Variants in MUSK observed in about 807,000 individuals in gnomAD.
MUSK encodes muscle associated receptor tyrosine kinase, also known as muscle, skeletal receptor tyrosine-protein kinase.
A neutral mutation model predicts 88.7 loss-of-function variants in MUSK; 55 were observed. That is an observed-to-expected ratio of 0.62 (90% CI 0.50 to 0.78). MUSK has a LOEUF of 0.78. MUSK is among the 30% of genes least tolerant of loss of function. The pLI, the probability that MUSK is intolerant of heterozygous loss-of-function variation, is 0.00. For missense variants in MUSK, 1,015 were observed against 1,074.3 expected (o/e 0.94, Z 0.77); for synonymous variants, 387 against 391.9 (o/e 0.99, Z 0.15).
rs186192458 is a variant in MUSK at position 110,719,114 on chromosome 9, C to T, written c.629-15137C>T. Among the ~76,000 whole-genome samples the T allele has an allele frequency of 1.9e-4, 29 of 152,142 alleles. 1 individual carries two copies. Among genetic ancestry groups the T allele is most frequent in the African/African-American group, 6.5e-4 (27 of 41,560 alleles). The stretch of plus-strand genomic sequence containing the variant: ...ATTCTGGAAATACACCAAAATAGAA[C>T]CTCTTTAAAGTTTACATCTCACAGG... On this transcript the variant is annotated intron_variant, in intron 5 of 14. Transcript: ENST00000374448.
At chr9:110,787,611 G>A in intron 13 of MUSK, 79 bp from the exon 14 acceptor site, 1 of 1,413,644 alleles carries the variant, frequency 7.1e-7, no homozygotes, top group Non-Finnish European at 9.6e-7. Context: ...GAGGTGGGAG[G>A]ATATGTATAA....
chr9:110,720,842 A>C (rs1375796260), intron 5 of MUSK, among the ~76,000 whole-genome samples: 1 of 152,158 alleles, frequency 6.6e-6, no homozygotes, highest in Non-Finnish European at 1.5e-5. Flanking sequence ...AAAATTCTCA[A>C]CAAAGTACTA....
In MUSK at chr9:110,799,062, A is replaced by C. The variant is rs1382376944; in HGVS notation, c.1928-1244A>C. On this transcript the variant is annotated intron_variant, in intron 14 of 14. Transcript: ENST00000374448. ...AGTCCCTGTTAACTAAAGATTATCC[A>C]AAAAGGATCCCACAGAAGAAACTTC... is the stretch of plus-strand genomic sequence containing the variant. 3.9e-5 allele frequency among the ~76,000 whole-genome samples: 6 copies of C among 152,168 alleles called. No individual in the cohort carries two copies. The South Asian group carries it at 1.0e-3, about 26-fold the overall frequency.
intron 4 of MUSK, among the ~76,000 whole-genome samples, chr9:110,696,959 T>C (rs1475177790): frequency 2.6e-5 from 4 of 151,082 alleles, no homozygotes; most frequent in Non-Finnish European, 5.9e-5. Flanking sequence ...TCTGCAACAT[T>C]TCCCCCTTCT....
chr9:110,729,357 A>G (rs533118991), intron 5 of MUSK, among the ~76,000 whole-genome samples: 15 of 149,334 alleles, frequency 1.0e-4, no homozygotes, highest in Non-Finnish European at 1.6e-4. Context: ...AAAAAGAAAA[A>G]AAAAAAAGGT....
chr9:110,749,504 G>T (rs2077221363), intron 7 of MUSK, among the ~76,000 whole-genome samples: 1 of 152,142 alleles, frequency 6.6e-6, no homozygotes, highest in Non-Finnish European at 1.5e-5. Context: ...TGAAACATGG[G>T]CTCTAGCCAG....
chr9:110,694,215 C>CAAAAAAAAAAA (rs1217917603), intron 3 of MUSK, among the ~76,000 whole-genome samples: 54 of 71,598 alleles, frequency 7.5e-4, no homozygotes, highest in East Asian at 1.1e-3. Context: ...ACTAAAAATA[C>CAAAAAAAAAAA]AAAAAAAAAA....
chr9:110,720,102 G>A (rs12353173), intron 5 of MUSK, among the ~76,000 whole-genome samples: 7,621 of 151,922 alleles, frequency 0.05, 453 homozygotes, highest in African/African-American at 0.14. Context: ...CAGCAAAAAC[G>A]GTACTAAGAG....
chr9:110,778,420 A>T (rs1405431955), intron 11 of MUSK, among the ~76,000 whole-genome samples: 1 of 152,142 alleles, frequency 6.6e-6, no homozygotes, highest in Non-Finnish European at 1.5e-5. Flanking sequence ...TGTCTTAATC[A>T]TTGAAATAAT....
intron 6 of MUSK, among the ~76,000 whole-genome samples, chr9:110,741,941 A>C (rs1420267215): frequency 6.6e-6 from 1 of 152,186 alleles, no homozygotes; most frequent in Non-Finnish European, 1.5e-5. Context: ...GTGGCTGTCA[A>C]AGATGATCTC....
At chr9:110,747,824 G>A (rs768872866) in intron 7 of MUSK, 24 bp downstream of exon 7, 39 of 1,611,766 alleles carry the variant, frequency 2.4e-5, no homozygotes, top group East Asian at 6.7e-5. Context: ...TCACATTTGC[G>A]TTGTTCCAGG....
chr9:110,695,902 G>A (rs1158128805), intron 4 of MUSK, among the ~76,000 whole-genome samples: 1 of 152,074 alleles, frequency 6.6e-6, no homozygotes, highest in Non-Finnish European at 1.5e-5. Flanking sequence ...TTTCTGGAAG[G>A]AGGGAGGGAG....
At chr9:110,790,388 A>G (rs1394882573) in intron 14 of MUSK, among the ~76,000 whole-genome samples, 1 of 152,230 alleles carries the variant, frequency 6.6e-6, no homozygotes. Flanking sequence ...AAGGGGGCAG[A>G]AAGAAGCATG....
intron 5 of MUSK, among the ~76,000 whole-genome samples, chr9:110,722,160 A>C (rs190368246): frequency 7.4e-4 from 112 of 152,202 alleles, no homozygotes; most frequent in African/African-American, 2.5e-3. Context: ...CATCAGAAAA[A>C]CTCTTCTAGA....
At chr9:110,680,383 C>CTTTT (rs11461650) in intron 1 of MUSK, among the ~76,000 whole-genome samples, 6 of 141,598 alleles carry the variant, frequency 4.2e-5, no homozygotes, top group African/African-American at 7.8e-5. Context: ...TTCTTTTTTT[C>CTTTT]TTTTTTTTTT....
At chr9:110,780,450 C>G (rs1426513182) in intron 11 of MUSK, among the ~76,000 whole-genome samples, 2 of 152,204 alleles carry the variant, frequency 1.3e-5, no homozygotes, top group Non-Finnish European at 2.9e-5. Context: ...AGACTCCACC[C>G]ATCACAGCCC....
intron 9 of MUSK, 61 bp downstream of exon 9, chr9:110,768,144 A>T: frequency 6.7e-7 from 1 of 1,487,270 alleles, no homozygotes; most frequent in Non-Finnish European, 9.1e-7. Context: ...CAACAGAAGG[A>T]GTTTTTGAAA....
At chr9:110,771,199 C>G (rs566874677) in intron 9 of MUSK, among the ~76,000 whole-genome samples, 1 of 115,286 alleles carries the variant, frequency 8.7e-6, no homozygotes, top group South Asian at 2.8e-4. Flanking sequence ...TGGGTTCAAG[C>G]AATTCTCCTG....
chr9:110,781,477 C>T (rs971964993), intron 11 of MUSK, among the ~76,000 whole-genome samples: 7 of 152,102 alleles, frequency 4.6e-5, no homozygotes, highest in Non-Finnish European at 1.0e-4. Flanking sequence ...GGGGATTCAC[C>T]GTGTTAGCCA....
Sources: gnomAD v4.1 joint callset for allele counts (sites outside exome capture counted in the v4.1 genomes callset) on GRCh38, gnomAD v4.1.1 for gene constraint, MANE v1.5 for transcripts, NCBI Gene and HGNC (gene_info 2026-07-23, HGNC 2026-07-21) for gene names.